The following WDR75 variants were observed in gnomAD, a reference collection of about 807,000 sequenced individuals.
WDR75 encodes the protein WD repeat domain 75, also known as WD repeat-containing protein 75.
Under a neutral mutation model 106.1 loss-of-function variants are expected in WDR75, and 52 were observed. The ratio of observed to expected loss-of-function variants is 0.49; its 90% CI spans 0.39 to 0.62. The LOEUF is 0.62. WDR75 is among the 20% of genes least tolerant of loss of function. WDR75 has a pLI of 0.00. For synonymous variants in WDR75, 333 were observed against 335.5 expected, an observed-to-expected ratio of 0.99 and a Z score of 0.08; for missense variants, 905 against 970.3, an observed-to-expected ratio of 0.93 and a Z score of 0.89.
chr2:189,474,364 T>C (rs763640339), intron 19 of WDR75, 32 bp downstream of exon 19: 12 of 1,583,542 alleles, frequency 7.6e-6, no homozygotes, highest in Admixed American at 3.7e-5. Flanking sequence ...GTGAAACAGA[T>C]TAAATGCACT....
At position 189,475,493 on chromosome 2, in the gene WDR75, T is replaced by TGTTATTTCTGTTCTAAAAATAAGATA; in HGVS notation, c.*77_*102dup. 1 of 867,710 alleles carries TGTTATTTCTGTTCTAAAAATAAGATA rather than the reference T, an allele frequency of 1.2e-6. No individual in the cohort carries two copies. Among genetic ancestry groups the TGTTATTTCTGTTCTAAAAATAAGATA allele is most frequent in the Non-Finnish European group, 1.7e-6 (1 of 589,052 alleles). 53.8% of individuals were successfully genotyped at this position (867,710 alleles called of 1,614,324 possible). A position where few individuals can be genotyped will look rare whatever the true frequency, so the allele number is the denominator to read the frequency against. ...GATATTCTAAAAACATCTATTTTAATGTTATTTCTGTTCTAAAAATAAGAT... is the reference window on the plus strand; with the variant it reads ...GATATTCTAAAAACATCTATTTTAATGTTATTTCTGTTCTAAAAATAAGATAGTTATTTCTGTTCTAAAAATAAGAT... On this transcript the variant is annotated 3_prime_UTR_variant, in exon 21 of 21. Transcript: ENST00000314761.
chr2:189,448,341 C>G, intron 1 of WDR75, 38 bp from the exon 2 acceptor site: 1 of 1,595,792 alleles, frequency 6.3e-7, no homozygotes, highest in Non-Finnish European at 8.6e-7. Context: ...CAGGCTAATA[C>G]AGTATGTAAA....
chr2:189,462,551 T>C lies in WDR75; in HGVS notation c.846T>C (p.Asn282=), dbSNP rs114555877. 6.2e-7 allele frequency: 1 copy of C among 1,614,074 alleles called. No homozygotes were observed. The highest frequency in any genetic ancestry group is 2.2e-5 in the East Asian group (1 of 44,884). Residue 282 remains asparagine (N), a synonymous_variant, in exon 9 of 21, where the codon AAT becomes AAC. Coordinates refer to ENST00000314761, the MANE Select transcript of WDR75 (RefSeq NM_032168.3). Reference sequence around the variant, plus strand: ...AGTGGCGCGATGCAACAGAGAAGAATAAGGAGTTTCTCCCGCGTTTAGGAG... The same window carrying C: ...AGTGGCGCGATGCAACAGAGAAGAACAAGGAGTTTCTCCCGCGTTTAGGAG... ...LVEWRDATEK[N]KEFLPRLGAT... is the part of the protein sequence containing the mutation.
intron 14 of WDR75, among the ~76,000 whole-genome samples, 162 bp downstream of exon 14, chr2:189,467,810 A>G (rs927766184): frequency 6.6e-6 from 1 of 152,148 alleles, no homozygotes; most frequent in Admixed American, 6.5e-5. Context: ...GAGTCCACAA[A>G]CTGTGCCAAC....
chr2:189,450,561 C>T (rs1218714637), intron 2 of WDR75: 2 of 1,069,172 alleles, frequency 1.9e-6, no homozygotes, highest in African/African-American at 1.7e-5. Flanking sequence ...AAGTGATGCA[C>T]CCACCTGGGC....
rs750570124 is a variant in WDR75 at position 189,469,313 on chromosome 2, A to C, written c.1724-31A>C. ...TAAAGCTTTTGGTAAATCTTTCCTT[A>C]GAAGTGAATCACCTTTGTTTTTCCC... On this transcript the variant is annotated intron_variant, in intron 15 of 20. Transcript: ENST00000314761. 2.6e-6 allele frequency: 4 copies of C among 1,545,738 alleles called. No homozygotes were observed. In the South Asian group the frequency reaches 4.5e-5, roughly 17 times the overall value.
rs62187083 is a variant in WDR75 at position 189,462,997 on chromosome 2, C to T, written c.937+355C>T. 6.0e-3 allele frequency among the ~76,000 whole-genome samples: 919 copies of T among 152,270 alleles called. 5 individuals carry two copies. Among genetic ancestry groups the T allele is most frequent in the Non-Finnish European group, 0.01 (681 of 68,020 alleles). On this transcript the variant is annotated intron_variant, in intron 9 of 20. Transcript: ENST00000314761. ...ACCTTCCGTTTTCAAAAGAATACTG[C>T]AAGATTCTCTTTTGATACAGCTGTT...
chr2:189,441,698 A>G (rs1344298670), intron 1 of WDR75, 120 bp downstream of exon 1: 5 of 1,156,368 alleles, frequency 4.3e-6, no homozygotes, highest in South Asian at 4.1e-5. Flanking sequence ...GGCTTTGGGT[A>G]GAGCACGCGC....
chr2:189,475,263 A>T lies in WDR75; in HGVS notation c.2339A>T (p.Glu780Val). Residue 780 changes from glutamate to valine, a missense_variant, in exon 21 of 21, where the codon GAA (glutamate) becomes GTA (valine). By Grantham distance (121) the Glu-to-Val change is moderately radical. Coordinates refer to ENST00000314761, the MANE Select transcript of WDR75 (RefSeq NM_032168.3). ...DVDMEEEKESEDSDEENDFTE... is the reference protein window; with the variant it reads ...DVDMEEEKESVDSDEENDFTE... ...GATATGGAAGAAGAAAAAGAAAGTG[A>T]AGATTCAGATGAAGAAAATGATTTT... 6.2e-7 allele frequency: 1 copy of T among 1,613,280 alleles called. No homozygotes were observed. Among genetic ancestry groups the T allele is most frequent in the Non-Finnish European group, 8.5e-7 (1 of 1,179,566 alleles).
chr2:189,449,061 A>T (rs1686561575), intron 2 of WDR75, among the ~76,000 whole-genome samples: 1 of 152,178 alleles, frequency 6.6e-6, no homozygotes, highest in Non-Finnish European at 1.5e-5. Flanking sequence ...CAAATTTGGG[A>T]ATTTAATTTA....
At chr2:189,461,386 G>C (rs534870531) in intron 8 of WDR75, among the ~76,000 whole-genome samples, 1 of 152,286 alleles carries the variant, frequency 6.6e-6, no homozygotes, top group South Asian at 2.1e-4. Flanking sequence ...TGCTATATTT[G>C]AGGAGAATTG....
At position 189,470,432 on chromosome 2, in the gene WDR75, A is replaced by G. The variant is rs143792297; in HGVS notation, c.1989+187A>G. On this transcript the variant is annotated intron_variant, in intron 17 of 20. Coordinates refer to ENST00000314761, the MANE Select transcript of WDR75 (RefSeq NM_032168.3). The stretch of plus-strand genomic sequence containing the variant: ...TAAATGTATTACCGTTTTACCCCAC[A>G]CTTTTGAGGTTCCTTAGGTATTGCT... 7.0e-3 allele frequency among the ~76,000 whole-genome samples: 1,059 copies of G among 152,208 alleles called. 15 individuals carry two copies. The highest frequency in any genetic ancestry group is 0.024 in the African/African-American group (1,002 of 41,536).
At chr2:189,448,351 A>C in intron 1 of WDR75, 28 bp from the exon 2 acceptor site, 1 of 1,606,120 alleles carries the variant, frequency 6.2e-7, no homozygotes, top group Non-Finnish European at 8.5e-7. Context: ...CAGTATGTAA[A>C]ACTTACTTTT....
intron 1 of WDR75, among the ~76,000 whole-genome samples, chr2:189,443,510 A>G (rs1211020561): frequency 1.3e-5 from 2 of 152,150 alleles, no homozygotes; most frequent in East Asian, 3.8e-4. Flanking sequence ...AATCAGTTGT[A>G]ATTTGATTGT....
chr2:189,450,993 C>A, intron 3 of WDR75, 25 bp downstream of exon 3: 1 of 1,577,064 alleles, frequency 6.3e-7, no homozygotes, highest in Non-Finnish European at 8.6e-7. Flanking sequence ...CTTTACTTTT[C>A]GTTATGTGAA....
intron 12 of WDR75, among the ~76,000 whole-genome samples, chr2:189,465,694 T>G (rs1686985781): frequency 6.6e-6 from 1 of 152,176 alleles, no homozygotes; most frequent in Admixed American, 6.6e-5. Flanking sequence ...ATCTTTGCTG[T>G]GTGCCAAGAA....
Position 189,441,491 on chromosome 2 carries a change from A to G in WDR75, c.-2A>G. On this transcript the variant is annotated 5_prime_UTR_variant, in exon 1 of 21. Coordinates refer to ENST00000314761, the MANE Select transcript of WDR75 (RefSeq NM_032168.3). ...GATTGGCCATTCCGCTACTGCGCAA[A>G]GATGGTGGAGGAGGAGAACATCCGC... The G allele has an allele frequency of 6.4e-7, 1 of 1,560,414 alleles. No individual in the cohort carries two copies. Among genetic ancestry groups the G allele is most frequent in the South Asian group, 1.2e-5 (1 of 84,676 alleles).
intron 1 of WDR75, among the ~76,000 whole-genome samples, chr2:189,442,440 T>TTA (rs2106107426): frequency 8.8e-6 from 1 of 114,280 alleles, no homozygotes; most frequent in Non-Finnish European, 1.9e-5. Context: ...CTCCACAATA[T>TTA]TCTTTTTTTT....
chr2:189,461,215 G>A (rs897729201), intron 8 of WDR75, among the ~76,000 whole-genome samples: 1 of 152,132 alleles, frequency 6.6e-6, no homozygotes, highest in Non-Finnish European at 1.5e-5. Context: ...AATGAAAAAT[G>A]GTTATTTGAT....
Sources: allele counts gnomAD v4.1 joint callset (sites outside exome capture counted in the v4.1 genomes callset), GRCh38; gene constraint gnomAD v4.1.1; transcripts MANE v1.5; gene names NCBI Gene and HGNC (gene_info 2026-07-23, HGNC 2026-07-21).